The following TMEM220 variants were observed in gnomAD, a reference collection of about 807,000 sequenced individuals.
The protein encoded by TMEM220 is transmembrane protein 220.
TMEM220 carries 21 observed loss-of-function variants against 21.7 expected under a neutral mutation model. The ratio of observed to expected loss-of-function variants is 0.97; its 90% CI spans 0.69 to 1.39. The LOEUF is 1.39. Among genes scored for constraint, TMEM220 ranks in the 40% most tolerant of loss-of-function variants. The probability of loss-of-function intolerance (pLI) is 0.00; values close to 1 mark genes in which losing one functional copy is unlikely to be tolerated. For missense variants in TMEM220, 191 were observed against 201.9 expected (o/e 0.95, Z 0.33); for synonymous variants, 80 against 73.6 (o/e 1.09, Z -0.45).
At chr17:10,722,828 G>A (rs919869637) in intron 5 of TMEM220, among the ~76,000 whole-genome samples, 11 of 152,206 alleles carry the variant, frequency 7.2e-5, no homozygotes, top group Admixed American at 4.6e-4. Context: ...AGAAAACTAC[G>A]GTTTTTGTGG....
chr17:10,712,343 C>G (rs953183368), downstream of TMEM220, among the ~76,000 whole-genome samples: 1 of 152,204 alleles, frequency 6.6e-6, no homozygotes, highest in African/African-American at 2.4e-5. Flanking sequence ...ATTCAGGGCC[C>G]AACCAGATAA....
At chr17:10,720,937 T>C (rs2074981021) in intron 5 of TMEM220, among the ~76,000 whole-genome samples, 1 of 152,202 alleles carries the variant, frequency 6.6e-6, no homozygotes, top group East Asian at 1.9e-4. Flanking sequence ...GATCCAGATA[T>C]AAAATGTTCA....
chr17:10,711,198 C>A, downstream of TMEM220: 7 of 1,408,082 alleles, frequency 5.0e-6, no homozygotes, highest in Admixed American at 4.5e-5. Context: ...CCCTCCTAAA[C>A]AAAAAAATAA....
chr17:10,724,900 G>T, intron 4 of TMEM220, 111 bp downstream of exon 4: 2 of 1,454,042 alleles, frequency 1.4e-6, no homozygotes, highest in Non-Finnish European at 9.6e-7. Flanking sequence ...CCTCCACAGG[G>T]TACACTGGGG....
Position 10,715,543 on chromosome 17 carries a change from G to T in TMEM220, c.393C>A (p.Ile131=), listed in dbSNP as rs574832245. The T allele has an allele frequency of 2.5e-6, 4 of 1,603,402 alleles. No homozygotes were observed. Among genetic ancestry groups the T allele is most frequent in the Admixed American group, 1.8e-5 (1 of 56,836 alleles). ...CCCATGAGATAAATGGGAAAAGTGT[G>T]ATTACAATGGCAATAGCCAATTGAA... ...GRIQLAIAIV[I]TLFPFISWVY... The change falls in exon 6 of 6, where the codon ATC becomes ATA. Residue 131 remains isoleucine (I), a synonymous_variant. Coordinates refer to ENST00000341871, the MANE Select transcript of TMEM220 (RefSeq NM_001004313.3).
chr17:10,725,098 A>G lies in TMEM220; in HGVS notation c.200T>C (p.Ile67Thr). ...VIWKSISAIH[I>T]LFCTVWAVGL... ...AACAGCCCACACCGTACAAAAGAGTATGTGTATTGCAGAGATACTTTTCCA... is the reference window on the plus strand; with the variant it reads ...AACAGCCCACACCGTACAAAAGAGTGTGTGTATTGCAGAGATACTTTTCCA... The change falls in exon 4 of 6, where the codon ATA becomes ACA. Residue 67 changes from isoleucine to threonine, a missense_variant. Coordinates refer to ENST00000341871, the MANE Select transcript of TMEM220 (RefSeq NM_001004313.3). 3 of 1,614,132 alleles carry G rather than the reference A, an allele frequency of 1.9e-6. No individual in the cohort carries two copies. Among genetic ancestry groups the G allele is most frequent in the Non-Finnish European group, 2.5e-6 (3 of 1,179,994 alleles).
chr17:10,729,125 T>C, intron 1 of TMEM220, 65 bp from the exon 2 acceptor site: 1 of 1,580,904 alleles, frequency 6.3e-7, no homozygotes, highest in East Asian at 2.2e-5. Flanking sequence ...TTTAAATTCA[T>C]TTAAGCACAT....
intron 5 of TMEM220, among the ~76,000 whole-genome samples, chr17:10,721,620 GAAAAAAAGAAAAAAAAGA>G (rs1356918320): frequency 1.0e-4 from 5 of 48,302 alleles, no homozygotes; most frequent in African/African-American, 5.7e-4. Flanking sequence ...AAAAAAAAAA[GAAAAAAAGAAAAAAAAGA>G]AAAAAAAAAT....
chr17:10,712,051 C>T (rs1444839536), downstream of TMEM220, among the ~76,000 whole-genome samples: 2 of 152,306 alleles, frequency 1.3e-5, no homozygotes, highest in East Asian at 3.9e-4. Context: ...CCAACATATA[C>T]TTGTTCTCTT....
At chr17:10,712,267 CAT>C (rs2074859012), downstream of TMEM220, among the ~76,000 whole-genome samples, 1 of 152,190 alleles carries the variant, frequency 6.6e-6, no homozygotes, top group South Asian at 2.1e-4. Context: ...ACTGTCGTAT[CAT>C]ATTCTCTGCT....
At chr17:10,721,423 A>G (rs992168844) in intron 5 of TMEM220, among the ~76,000 whole-genome samples, 2 of 152,168 alleles carry the variant, frequency 1.3e-5, no homozygotes, top group African/African-American at 4.8e-5. Flanking sequence ...ATCCTGGCCA[A>G]CATGGTGAAA....
chr17:10,717,270 CAGAG>C (rs2074933020), intron 5 of TMEM220, among the ~76,000 whole-genome samples: 1 of 152,198 alleles, frequency 6.6e-6, no homozygotes, highest in Admixed American at 6.5e-5. Context: ...TTCCTGATCT[CAGAG>C]GGAAAGTTTT....
rs567788678 is a variant in TMEM220, at chr17:10,715,316, T to A, written c.*137A>T. ...CCATCCAATCTTACATCGAATTATA[T>A]GCACCCTTAAAAAGTTATTTGGAGT... On this transcript the variant is annotated 3_prime_UTR_variant, in exon 6 of 6. Coordinates refer to ENST00000341871, the MANE Select transcript of TMEM220 (RefSeq NM_001004313.3). 1 of 715,200 alleles carries A rather than the reference T, an allele frequency of 1.4e-6. No individual in the cohort carries two copies. Among genetic ancestry groups the A allele is most frequent in the South Asian group, 2.2e-5 (1 of 45,584 alleles). 44.3% of individuals were successfully genotyped at this position (715,200 alleles called of 1,614,324 possible). A position where few individuals can be genotyped will look rare whatever the true frequency, so the allele number is the denominator to read the frequency against.
Position 10,715,440 on chromosome 17 carries a change from T to A in TMEM220, c.*13A>T. On this transcript the variant is annotated 3_prime_UTR_variant, in exon 6 of 6. Coordinates refer to ENST00000341871, the MANE Select transcript of TMEM220 (RefSeq NM_001004313.3). Reference sequence around the variant, plus strand: ...GAAAATATTCATTTTAAAAACGAAGTTCTTGAATTTATTTAAATTACTGTC... The same window carrying A: ...GAAAATATTCATTTTAAAAACGAAGATCTTGAATTTATTTAAATTACTGTC... The A allele has an allele frequency of 6.3e-7, 1 of 1,576,138 alleles. No individual in the cohort carries two copies. The highest frequency in any genetic ancestry group is 8.5e-7 in the Non-Finnish European group (1 of 1,170,850).
chr17:10,726,341 T>A, intron 2 of TMEM220, 77 bp from the exon 3 acceptor site: 1 of 1,210,518 alleles, frequency 8.3e-7, no homozygotes, highest in Non-Finnish European at 1.2e-6. Flanking sequence ...ATACAGGAAG[T>A]AAAGAAAGAT....
In TMEM220 at chr17:10,725,082, C is replaced by T; in HGVS notation, c.216G>A (p.Val72=). The T allele has an allele frequency of 1.2e-6, 2 of 1,614,152 alleles. No individual in the cohort carries two copies. Among genetic ancestry groups the T allele is most frequent in the Non-Finnish European group, 1.7e-6 (2 of 1,180,034 alleles). Residue 72 remains valine, a synonymous_variant, in exon 4 of 6, where the codon GTG becomes GTA. Transcript: ENST00000341871. ...GGTAGGACGCCAAGCCAACAGCCCA[C>T]ACCGTACAAAAGAGTATGTGTATTG... ...ISAIHILFCT[V]WAVGLASYLL...
At chr17:10,723,465 G>T in intron 4 of TMEM220, 136 bp from the exon 5 acceptor site, 1 of 692,240 alleles carries the variant, frequency 1.4e-6, no homozygotes, top group South Asian at 1.6e-5. Flanking sequence ...GGCATCGATG[G>T]AATATTTTCA....
chr17:10,726,542 AAG>A (rs140493050), intron 2 of TMEM220, among the ~76,000 whole-genome samples: 97 of 152,294 alleles, frequency 6.4e-4, no homozygotes, highest in Middle Eastern at 3.4e-3. Context: ...TTTTGGTCTT[AAG>A]ACACACTAAC....
At position 10,714,058 on chromosome 17, in the gene TMEM220, T is replaced by TA. The variant is rs1471102658; in HGVS notation, c.*1394dup. 1.3e-5 allele frequency: 2 copies of TA among 152,014 alleles called. No homozygotes were observed. Among genetic ancestry groups the TA allele is most frequent in the East Asian group, 3.8e-4 (2 of 5,204 alleles). The allele number at this position is 152,014 out of a possible 1,614,324, so 9.4% of individuals were successfully genotyped here. ...AGGACTGTCCAACAGAAATGCAATG[T>TA]AAGCCACGTAAATAAAAGTAAACAG... On this transcript the variant is annotated 3_prime_UTR_variant, in exon 6 of 6. Transcript: ENST00000341871.
Sources: gnomAD v4.1 joint callset for allele counts (sites outside exome capture counted in the v4.1 genomes callset) on GRCh38, gnomAD v4.1.1 for gene constraint, MANE v1.5 for transcripts, NCBI Gene and HGNC (gene_info 2026-07-23, HGNC 2026-07-21) for gene names.